The following DLG1 variants were observed in gnomAD, a reference collection of about 807,000 sequenced individuals.
DLG1 encodes disks large homolog 1.
DLG1 carries 42 observed loss-of-function variants against 123.4 expected under a neutral mutation model. The observed-to-expected ratio is 0.34, with a 90% CI of 0.27 to 0.44. The LOEUF is 0.44. Ranked by LOEUF, DLG1 falls within the 20% of genes least tolerant of loss-of-function variation. DLG1 has a pLI of 1.00. For synonymous variants in DLG1, 317 were observed against 356.2 expected, an observed-to-expected ratio of 0.89 and a Z score of 1.24; for missense variants, 942 against 1,082.6, an observed-to-expected ratio of 0.87 and a Z score of 1.82.
chr3:197,075,848 G>C, intron 18 of DLG1: 2 of 1,612,410 alleles, frequency 1.2e-6, no homozygotes, highest in Non-Finnish European at 1.7e-6. Flanking sequence ...CAGGCCTTTT[G>C]ATCCCATGTC....
chr3:197,275,059 A>G (rs1424414300), intron 4 of DLG1, among the ~76,000 whole-genome samples: 1 of 151,994 alleles, frequency 6.6e-6, no homozygotes. Context: ...GGCAGAGCAC[A>G]CTTGTAGTCC....
chr3:197,075,459 CA>C (rs974780950), intron 18 of DLG1, among the ~76,000 whole-genome samples: 15 of 148,700 alleles, frequency 1.0e-4, no homozygotes, highest in East Asian at 5.9e-4. Context: ...ATTATTTTAA[CA>C]AAAAAAAGGG....
chr3:197,137,423 T>C (rs1035621549), intron 9 of DLG1, among the ~76,000 whole-genome samples: 2 of 152,220 alleles, frequency 1.3e-5, no homozygotes, highest in African/African-American at 2.4e-5. Flanking sequence ...CACAAGTTAA[T>C]AGCAATACTA....
chr3:197,165,845 T>A (rs1243816929), intron 5 of DLG1, among the ~76,000 whole-genome samples: 1 of 152,182 alleles, frequency 6.6e-6, no homozygotes, highest in African/African-American at 2.4e-5. Context: ...AAACTATACA[T>A]AAGATTAATT....
At chr3:197,083,775 T>C (rs140293065) in intron 16 of DLG1, among the ~76,000 whole-genome samples, 4 of 150,034 alleles carry the variant, frequency 2.7e-5, no homozygotes, top group Non-Finnish European at 3.0e-5. Flanking sequence ...CTGGGCAACA[T>C]AGCTAGAACC....
chr3:197,270,635 A>G (rs892286437), intron 4 of DLG1, among the ~76,000 whole-genome samples: 2 of 152,198 alleles, frequency 1.3e-5, no homozygotes, highest in Non-Finnish European at 2.9e-5. Flanking sequence ...GGGGAAACTG[A>G]CTCACTACAA....
intron 11 of DLG1, among the ~76,000 whole-genome samples, chr3:197,130,311 T>C (rs1781853046): frequency 6.6e-6 from 1 of 152,100 alleles, no homozygotes; most frequent in South Asian, 2.1e-4. Flanking sequence ...TAACTACTAC[T>C]ATAAAATAAT....
chr3:197,281,706 T>G (rs891977651), intron 4 of DLG1, among the ~76,000 whole-genome samples: 1 of 152,186 alleles, frequency 6.6e-6, no homozygotes, highest in Non-Finnish European at 1.5e-5. Context: ...AGTTGGGTGT[T>G]AAGAGTCCTG....
Position 197,248,174 on chromosome 3 carries a change from G to C in DLG1, c.318+34505C>G, listed in dbSNP as rs1354819970. Among the ~76,000 whole-genome samples the C allele has an allele frequency of 3.9e-5, 6 of 152,062 alleles. No individual in the cohort carries two copies. In the South Asian group the frequency reaches 1.2e-3, roughly 32 times the overall value. ...CACCCCTGCGGCTTTTCTTACCTTG[G>C]TATGTTCTGACCAAGATATACTTCA... On this transcript the variant is annotated intron_variant, in intron 4 of 24. Transcript: ENST00000667157.
intron 14 of DLG1, 150 bp from the exon 15 acceptor site, chr3:197,091,176 T>C (rs113493605): frequency 4.3e-5 from 22 of 509,574 alleles, no homozygotes; most frequent in African/African-American, 3.2e-4. Context: ...GCCCAACACA[T>C]AAATTTCAAA....
At chr3:197,138,120 T>C in intron 9 of DLG1, 102 bp downstream of exon 9, 1 of 621,902 alleles carries the variant, frequency 1.6e-6, no homozygotes, top group Non-Finnish European at 2.5e-6. Flanking sequence ...CTGTAGAATA[T>C]TACTAATACT....
At chr3:197,048,905 C>T (rs1393950982) in intron 24 of DLG1, among the ~76,000 whole-genome samples, 2 of 152,170 alleles carry the variant, frequency 1.3e-5, no homozygotes, top group African/African-American at 4.8e-5. Context: ...GACCTGCCCA[C>T]CTGGGCCTCC....
intron 23 of DLG1, among the ~76,000 whole-genome samples, chr3:197,052,042 A>G (rs1364889571): frequency 6.6e-6 from 1 of 151,904 alleles, no homozygotes; most frequent in Non-Finnish European, 1.5e-5. Context: ...GGTTTCACCA[A>G]GTTGGGCAGG....
intron 3 of DLG1, 84 bp downstream of exon 3, chr3:197,296,262 A>G: frequency 2.2e-6 from 3 of 1,342,104 alleles, no homozygotes; most frequent in Non-Finnish European, 3.1e-6. Flanking sequence ...AATTAAGTAC[A>G]TCATTTTCTT....
chr3:197,251,837 A>G (rs1054374086), intron 4 of DLG1, among the ~76,000 whole-genome samples: 3 of 152,218 alleles, frequency 2.0e-5, no homozygotes, highest in East Asian at 1.9e-4. Context: ...ACAAATAATC[A>G]TATTTTAAAA....
chr3:197,222,211 C>G (rs536689075), intron 4 of DLG1, among the ~76,000 whole-genome samples: 1 of 152,260 alleles, frequency 6.6e-6, no homozygotes, highest in East Asian at 1.9e-4. Context: ...GTCCGTGTGA[C>G]ACAGTTTTAA....
chr3:197,260,750 C>CAA (rs570596943), intron 4 of DLG1, among the ~76,000 whole-genome samples: 312 of 18,318 alleles, frequency 0.017, 5 homozygotes, highest in African/African-American at 0.023. Flanking sequence ...TGACAACCAC[C>CAA]AAAAAAAAAA....
At chr3:197,238,077 T>A (rs949595016) in intron 4 of DLG1, among the ~76,000 whole-genome samples, 2 of 152,142 alleles carry the variant, frequency 1.3e-5, no homozygotes, top group African/African-American at 4.8e-5. Context: ...TATTCTCTCT[T>A]AGGTGTGGAA....
Position 197,042,809 on chromosome 3 carries a change from T to C in DLG1, c.*1814A>G, listed in dbSNP as rs559860270. ...TGTATTTCAATGTGGTAACACACTC[T>C]GCTGCCTAACGGCTCTTGGATTCGG... On this transcript the variant is annotated 3_prime_UTR_variant, in exon 25 of 25. Coordinates refer to ENST00000667157, the MANE Select transcript of DLG1 (RefSeq NM_001366207.1). The C allele has an allele frequency of 1.3e-4, 20 of 152,370 alleles. No individual in the cohort carries two copies. Among genetic ancestry groups the C allele is most frequent in the African/African-American group, 4.3e-4 (18 of 41,596 alleles). The allele number at this position is 152,370 out of a possible 1,614,324, so 9.4% of individuals were successfully genotyped here. A position where few individuals can be genotyped will look rare whatever the true frequency, so the allele number is the denominator to read the frequency against.
Sources: gnomAD v4.1 joint callset for allele counts (sites outside exome capture counted in the v4.1 genomes callset) on GRCh38, gnomAD v4.1.1 for gene constraint, MANE v1.5 for transcripts, NCBI Gene and HGNC (gene_info 2026-07-23, HGNC 2026-07-21) for gene names.